Variants in PSD4 observed in about 807,000 individuals in gnomAD.
PSD4 encodes pleckstrin and Sec7 domain containing 4.
In PSD4, 59 loss-of-function variants were observed where a neutral mutation model predicts 112.5. The ratio of observed to expected loss-of-function variants is 0.52; its 90% CI spans 0.43 to 0.65. The LOEUF is 0.65. PSD4 is among the 30% of genes least tolerant of loss of function. The probability of loss-of-function intolerance (pLI) is 0.00; values close to 1 mark genes in which losing one functional copy is unlikely to be tolerated. For missense variants in PSD4, 1,267 were observed against 1,352.6 expected (o/e 0.94, Z 0.99); for synonymous variants, 533 against 540.0 (o/e 0.99, Z 0.18).
In PSD4 at chr2:113,196,259, C is replaced by A. The variant is rs141518024; in HGVS notation, c.2338C>A (p.Gln780Lys). ...GGATCCCACAGTGCCCACCTACAAG[C>A]AGGGCATCCTGGCTCGGAAAATGCA... ...AQDPTVPTYK[Q>K]GILARKMHQD... Residue 780 changes from glutamine (Q) to lysine (K), a missense_variant, in exon 12 of 17, where the codon CAG becomes AAG. Coordinates refer to ENST00000245796, the MANE Select transcript of PSD4 (RefSeq NM_012455.3). 552 of 1,614,024 alleles carry A rather than the reference C, an allele frequency of 3.4e-4. 2 individuals are homozygous for A. The African/African-American group carries it at 6.5e-3, about 19-fold the overall frequency.
rs1558887161 is a variant in PSD4 at position 113,182,954 on chromosome 2, T to G, written c.498T>G (p.Cys166Trp). The change falls in exon 2 of 17, where the codon TGT becomes TGG. Residue 166 changes from cysteine (C) to tryptophan (W), a missense_variant. Physicochemically the swap from Cys to Trp is radical, Grantham distance 215 (BLOSUM62 -2). Coordinates refer to ENST00000245796, the MANE Select transcript of PSD4 (RefSeq NM_012455.3). ...FWAGILQAQM[C>W]VLDLEEELEK... is the part of the protein sequence containing the mutation. Reference sequence around the variant, plus strand: ...CAGGCATCCTGCAGGCCCAGATGTGTGTCCTAGACCTGGAGGAGGAGCTGG... The same window carrying G: ...CAGGCATCCTGCAGGCCCAGATGTGGGTCCTAGACCTGGAGGAGGAGCTGG... 6.2e-7 allele frequency: 1 copy of G among 1,614,200 alleles called. No homozygotes were observed. Among genetic ancestry groups the G allele is most frequent in the Middle Eastern group, 1.6e-4 (1 of 6,062 alleles).
At position 113,182,809 on chromosome 2, in the gene PSD4, G is replaced by C; in HGVS notation, c.353G>C (p.Ser118Thr). 2 of 1,607,332 alleles carry C rather than the reference G, an allele frequency of 1.2e-6. No homozygotes were observed. Among genetic ancestry groups the C allele is most frequent in the Non-Finnish European group, 1.7e-6 (2 of 1,175,638 alleles). ...GSGVELTHLGSPSAQREHRQN... is the reference protein window; with the variant it reads ...GSGVELTHLGTPSAQREHRQN... ...GGTGTGGAGCTCACACACCTGGGGA[G>C]CCCCTCTGCCCAGAGGGAGCACAGG... The change falls in exon 2 of 17, where the codon AGC (serine) becomes ACC (threonine). Residue 118 changes from serine (S) to threonine (T), a missense_variant. Coordinates refer to ENST00000245796, the MANE Select transcript of PSD4 (RefSeq NM_012455.3).
At position 113,183,068 on chromosome 2, in the gene PSD4, C is replaced by G; in HGVS notation, c.612C>G (p.Ser204Arg). 1 of 1,612,690 alleles carries G rather than the reference C, an allele frequency of 6.2e-7. No individual in the cohort carries two copies. The highest frequency in any genetic ancestry group is 8.5e-7 in the Non-Finnish European group (1 of 1,179,080). Residue 204 changes from serine (S) to arginine (R), a missense_variant, in exon 2 of 17, where the codon AGC becomes AGG. Ser to Arg is a moderately radical substitution (Grantham distance 110). This residue lies in a region of PSD4 where 723 missense variants were observed against 704.0 expected (regional missense o/e 1.03). Transcript: ENST00000245796. ...CCGGGGACACGGGCCTGCACTCCAG[C>G]CCACCTGAGAATGAAGACTCAGGGG... ...DLPGDTGLHS[S>R]PPENEDSGED...
intron 5 of PSD4, among the ~76,000 whole-genome samples, chr2:113,191,494 A>G (rs572016117): frequency 6.6e-6 from 1 of 151,864 alleles, no homozygotes; most frequent in South Asian, 2.1e-4. Context: ...CTGGCTTCGA[A>G]CTCCTGGCCT....
At chr2:113,195,534 CGGATGGATGGAT>C (rs61576963) in intron 10 of PSD4, among the ~76,000 whole-genome samples, 181 bp from the exon 11 acceptor site, 18 of 150,514 alleles carry the variant, frequency 1.2e-4, no homozygotes, top group Admixed American at 6.0e-4. Flanking sequence ...CTTTGTTGCA[CGGATGGATGGAT>C]GGATGGATGG....
chr2:113,198,487 G>C, intron 14 of PSD4: 1 of 407,284 alleles, frequency 2.5e-6, no homozygotes. Context: ...GACCAGGCTG[G>C]TCTCGAACTC....
chr2:113,176,789 C>A (rs1286362545), intron 1 of PSD4, among the ~76,000 whole-genome samples: 1 of 152,236 alleles, frequency 6.6e-6, no homozygotes, highest in Non-Finnish European at 1.5e-5. Flanking sequence ...GACCTGGGCT[C>A]TGCTGCCCAG....
intron 4 of PSD4, 63 bp downstream of exon 4, chr2:113,185,503 G>A (rs1688273182): frequency 1.2e-6 from 2 of 1,612,868 alleles, no homozygotes; most frequent in South Asian, 2.2e-5. Flanking sequence ...TTGGAGTGGG[G>A]ACAAAGATCA....
chr2:113,185,579 G>A (rs1294001118), intron 4 of PSD4, 139 bp downstream of exon 4: 11 of 1,562,492 alleles, frequency 7.0e-6, no homozygotes, highest in Non-Finnish European at 9.5e-6. Flanking sequence ...CAGACTTGGG[G>A]TTAAATCCTG....
chr2:113,198,669 A>G, intron 14 of PSD4, 71 bp from the exon 15 acceptor site: 1 of 1,471,800 alleles, frequency 6.8e-7, no homozygotes, highest in Non-Finnish European at 9.0e-7. Flanking sequence ...AAGCAGCCAC[A>G]GGAGGGGGCG....
intron 4 of PSD4, chr2:113,185,651 T>C (rs1688277063): frequency 1.3e-6 from 2 of 1,547,630 alleles, no homozygotes; most frequent in Non-Finnish European, 8.7e-7. Flanking sequence ...CGCTGGGTCT[T>C]AATGGTTTAG....
intron 5 of PSD4, among the ~76,000 whole-genome samples, chr2:113,189,563 C>T (rs1297185687): frequency 1.3e-5 from 2 of 152,126 alleles, no homozygotes; most frequent in Non-Finnish European, 2.9e-5. Context: ...AATGGCAGTT[C>T]TACTTTTAGT....
At chr2:113,195,136 G>C (rs141710429) in intron 10 of PSD4, among the ~76,000 whole-genome samples, 73 of 151,792 alleles carry the variant, frequency 4.8e-4, no homozygotes, top group African/African-American at 1.6e-3. Context: ...GCATGGGCAG[G>C]ACAGGGACTT....
At position 113,182,471 on chromosome 2, in the gene PSD4, C is replaced by T; in HGVS notation, c.15C>T (p.Tyr5=). The change falls in exon 2 of 17, where the codon TAC becomes TAT. Residue 5 remains tyrosine (Y), a synonymous_variant. Coordinates refer to ENST00000245796, the MANE Select transcript of PSD4 (RefSeq NM_012455.3). MMGD[Y]RLPDHPQPME... is the part of the protein sequence containing the mutation. ...TTGCTCAGTGGATGATGGGTGACTA[C>T]AGACTCCCTGACCACCCCCAGCCCA... The T allele has an allele frequency of 6.2e-7, 1 of 1,610,452 alleles. No homozygotes were observed. The highest frequency in any genetic ancestry group is 8.5e-7 in the Non-Finnish European group (1 of 1,177,614).
At chr2:113,192,719 C>G (rs1287998995) in intron 6 of PSD4, 130 bp downstream of exon 6, 1 of 952,184 alleles carries the variant, frequency 1.1e-6, no homozygotes, top group Non-Finnish European at 1.6e-6. Flanking sequence ...CCCCTCCTAA[C>G]TTTTCCCCCA....
chr2:113,176,896 G>C (rs550072424), intron 1 of PSD4, among the ~76,000 whole-genome samples: 5 of 152,278 alleles, frequency 3.3e-5, no homozygotes, highest in Admixed American at 3.3e-4. Context: ...GCCCTCACCT[G>C]GGTGACCGGT....
At chr2:113,196,065 TGCTAAGGCTCTGGGAG>T (rs1688600117) in intron 11 of PSD4, 66 bp from the exon 12 acceptor site, 1 of 1,508,486 alleles carries the variant, frequency 6.6e-7, no homozygotes, top group Non-Finnish European at 9.0e-7. Context: ...AAAGAGAGGT[TGCTAAGGCTCTGGGAG>T]GCAATGGATA....
Position 113,193,597 on chromosome 2 carries a change from G to A in PSD4, c.2038G>A (p.Val680Ile). 6.2e-7 allele frequency: 1 copy of A among 1,613,364 alleles called. No homozygotes were observed. The highest frequency in any genetic ancestry group is 8.5e-7 in the Non-Finnish European group (1 of 1,179,294). Reference sequence around the variant, plus strand: ...CTTACCTATCTCTGGGGTAGATTCTGTACACACCTTGACATGTGCAATCAT... The same window carrying A: ...CTTACCTATCTCTGGGGTAGATTCTATACACACCTTGACATGTGCAATCAT... The part of the protein sequence containing the change: ...NPGIFPSVDS[V>I]HTLTCAIMLL... Residue 680 changes from valine (V) to isoleucine (I), a missense_variant, in exon 9 of 17, where the codon GTA (valine) becomes ATA (isoleucine). By Grantham distance (29) the Val-to-Ile change is conservative (BLOSUM62 3). Around this residue, in one of 2 missense-constraint regions of PSD4, gnomAD observed 544 missense variants for 648.6 expected, o/e 0.84. Transcript: ENST00000245796.
chr2:113,199,679 G>A (rs935304622), intron 16 of PSD4, among the ~76,000 whole-genome samples: 7 of 152,210 alleles, frequency 4.6e-5, no homozygotes. Context: ...TCAATTAACA[G>A]CTCTGGGTAG....
Sources: allele counts gnomAD v4.1 joint callset (sites outside exome capture counted in the v4.1 genomes callset), GRCh38; gene constraint gnomAD v4.1.1; regional missense constraint gnomAD v4.1.1; transcripts MANE v1.5; gene names NCBI Gene and HGNC (gene_info 2026-07-23, HGNC 2026-07-21).